PIK3R3: variants seen among roughly 807,000 people sequenced by gnomAD.
The protein encoded by PIK3R3 is phosphatidylinositol 3-kinase regulatory subunit gamma.
PIK3R3 carries 64 observed loss-of-function variants against 62.9 expected under a neutral mutation model. The observed-to-expected ratio is 1.02, with a 90% CI of 0.83 to 1.25. The LOEUF (loss-of-function observed/expected upper bound fraction) is 1.25, where lower values mean the gene tolerates loss of function less well. Ranked by LOEUF, PIK3R3 falls within the 50% of genes most tolerant of loss-of-function variation. The pLI is 0.00. For missense variants in PIK3R3, 614 were observed against 561.6 expected (o/e 1.09, Z -0.94); for synonymous variants, 165 against 189.0 (o/e 0.87, Z 1.04).
At chr1:46,125,846 C>A (rs912852161) in intron 1 of PIK3R3, among the ~76,000 whole-genome samples, 1 of 151,848 alleles carries the variant, frequency 6.6e-6, no homozygotes, top group Admixed American at 6.6e-5. Context: ...CTGCAAGCTC[C>A]GCCTCCCGGG....
chr1:46,116,853 G>A (rs1345034500), intron 1 of PIK3R3, among the ~76,000 whole-genome samples: 1 of 151,994 alleles, frequency 6.6e-6, no homozygotes, highest in Non-Finnish European at 1.5e-5. Flanking sequence ...CTAGAAATAG[G>A]CAGGGCTAGA....
upstream of PIK3R3, among the ~76,000 whole-genome samples, chr1:46,135,175 C>G (rs1192780369): frequency 6.6e-6 from 1 of 152,146 alleles, no homozygotes; most frequent in Non-Finnish European, 1.5e-5. Flanking sequence ...CTGCCCCAGG[C>G]TCTTTGGCAA....
At chr1:46,113,332 C>G (rs1412471620) in intron 1 of PIK3R3, among the ~76,000 whole-genome samples, 1 of 143,542 alleles carries the variant, frequency 7.0e-6, no homozygotes, top group East Asian at 2.0e-4. Context: ...CAAGGTTATG[C>G]TCTGTTGCCC....
At chr1:46,169,529 A>C in the PIK3R3 span, among the ~76,000 whole-genome samples, 5 of 152,190 alleles carry the variant, frequency 3.3e-5, no homozygotes, top group African/African-American at 1.2e-4. Flanking sequence ...TAAAAGCTGC[A>C]CTTAAACACA....
chr1:46,148,010 C>G, the PIK3R3 span, among the ~76,000 whole-genome samples: 1 of 152,154 alleles, frequency 6.6e-6, no homozygotes, highest in East Asian at 1.9e-4. Flanking sequence ...AGTTAAAACA[C>G]TAAAGAATTT....
At chr1:46,064,814 A>T (rs1453062588) in intron 5 of PIK3R3, among the ~76,000 whole-genome samples, 1 of 152,178 alleles carries the variant, frequency 6.6e-6, no homozygotes, top group Non-Finnish European at 1.5e-5. Context: ...TTAAATGCTT[A>T]TTTTAGAAAA....
intron 7 of PIK3R3, among the ~76,000 whole-genome samples, chr1:46,053,087 C>G (rs2149381656): frequency 6.6e-6 from 1 of 152,306 alleles, no homozygotes; most frequent in East Asian, 1.9e-4. Context: ...CTGTTAGAAA[C>G]ATCAAAGCAT....
At chr1:46,125,702 C>T (rs935226825) in intron 1 of PIK3R3, among the ~76,000 whole-genome samples, 2 of 152,022 alleles carry the variant, frequency 1.3e-5, no homozygotes, top group African/African-American at 4.8e-5. Context: ...CTAGGTTGTC[C>T]ACCAAACTAT....
chr1:46,060,612 A>G (rs1160692532), intron 6 of PIK3R3, among the ~76,000 whole-genome samples: 1 of 152,260 alleles, frequency 6.6e-6, no homozygotes, highest in Non-Finnish European at 1.5e-5. Context: ...ACAGACTGAG[A>G]AAAGTTAAGT....
At chr1:46,065,863 A>G (rs995449386) in intron 5 of PIK3R3, among the ~76,000 whole-genome samples, 191 bp downstream of exon 5, 9 of 152,244 alleles carry the variant, frequency 5.9e-5, no homozygotes, top group African/African-American at 1.9e-4. Flanking sequence ...TGACCAGTTA[A>G]TATTAACTGA....
At chr1:46,071,708 A>AG (rs1182385003) in intron 3 of PIK3R3, among the ~76,000 whole-genome samples, 1 of 52,632 alleles carries the variant, frequency 1.9e-5, no homozygotes, top group Non-Finnish European at 3.8e-5. Context: ...AAAAAAAAAA[A>AG]AAAAATATAT....
In PIK3R3 at chr1:46,132,089, G is replaced by C. The variant is rs1259651479; in HGVS notation, c.-137C>G. ...TCGGGTTTTCCAACGGCCAGTACCA[G>C]TCCGGCCAAACTACCCGAACAGGGT... On this transcript the variant is annotated 5_prime_UTR_variant, in exon 1 of 10. Coordinates refer to ENST00000262741, the MANE Select transcript of PIK3R3 (RefSeq NM_003629.4). 2 of 1,435,400 alleles carry C rather than the reference G, an allele frequency of 1.4e-6. No homozygotes were observed. Among genetic ancestry groups the C allele is most frequent in the Non-Finnish European group, 9.1e-7 (1 of 1,098,298 alleles). 88.9% of individuals were successfully genotyped at this position (1,435,400 alleles called of 1,614,324 possible).
intron 1 of PIK3R3, among the ~76,000 whole-genome samples, chr1:46,098,048 T>C (rs989786565): frequency 6.6e-6 from 1 of 152,130 alleles, no homozygotes; most frequent in Non-Finnish European, 1.5e-5. Context: ...TTCAACAAGG[T>C]TGCAGAATAC....
At chr1:46,047,593 T>G (rs980386216) in intron 7 of PIK3R3, among the ~76,000 whole-genome samples, 4 of 152,108 alleles carry the variant, frequency 2.6e-5, no homozygotes, top group African/African-American at 9.7e-5. Context: ...GCATCTTCGT[T>G]CATCATTACC....
chr1:46,127,334 C>A (rs567040359), intron 1 of PIK3R3, among the ~76,000 whole-genome samples: 1 of 101,698 alleles, frequency 9.8e-6, no homozygotes, highest in Admixed American at 1.1e-4. Context: ...AAAGGTGAGA[C>A]CCTGCCTCAA....
In PIK3R3 at chr1:46,069,371, T is replaced by A. The variant is rs902290123; in HGVS notation, c.315-2280A>T. ...CCCGTCTCTACTAAAATACAAAAAT[T>A]AGCCTGGCGTGGTGGAGGGCACCTG... On this transcript the variant is annotated intron_variant, in intron 3 of 9. Coordinates refer to ENST00000262741, the MANE Select transcript of PIK3R3 (RefSeq NM_003629.4). 2.0e-5 allele frequency among the ~76,000 whole-genome samples: 3 copies of A among 151,826 alleles called. No homozygotes were observed. In the East Asian group the frequency reaches 5.8e-4, roughly 29 times the overall value.
chr1:46,061,503 G>GTACTCCCA (rs1286074662), intron 6 of PIK3R3, among the ~76,000 whole-genome samples: 1 of 152,120 alleles, frequency 6.6e-6, no homozygotes, highest in East Asian at 1.9e-4. Flanking sequence ...CACCCATTAT[G>GTACTCCCA]TACTCCCATA....
chr1:46,060,242 C>T (rs955763995), intron 6 of PIK3R3, among the ~76,000 whole-genome samples: 1 of 152,190 alleles, frequency 6.6e-6, no homozygotes, highest in Non-Finnish European at 1.5e-5. Flanking sequence ...AATCCCAGCA[C>T]TTTGGGAGGC....
At chr1:46,055,709 A>G (rs1214402206) in intron 7 of PIK3R3, 86 bp downstream of exon 7, 1 of 886,222 alleles carries the variant, frequency 1.1e-6, no homozygotes, top group Admixed American at 2.6e-5. Context: ...CAAATCTCTA[A>G]TCTCTTCTTC....
Sources: allele counts gnomAD v4.1 joint callset (sites outside exome capture counted in the v4.1 genomes callset), GRCh38; gene constraint gnomAD v4.1.1; transcripts MANE v1.5; gene names NCBI Gene and HGNC (gene_info 2026-07-23, HGNC 2026-07-21).